OGDHL: variants seen among roughly 807,000 people sequenced by gnomAD.
OGDHL encodes the protein 2-oxoglutarate dehydrogenase-like, mitochondrial.
In OGDHL, 79 loss-of-function variants were observed where a neutral mutation model predicts 109.6. The observed-to-expected ratio is 0.72, with a 90% CI of 0.60 to 0.87. The LOEUF is 0.87. Ranked by LOEUF, OGDHL falls within the 40% of genes least tolerant of loss-of-function variation. The pLI is 0.00. For missense variants in OGDHL, 1,275 were observed against 1,362.2 expected (o/e 0.94, Z 1.01); for synonymous variants, 528 against 537.2 (o/e 0.98, Z 0.24).
chr10:49,754,441 G>A (rs1842796321), intron 3 of OGDHL, among the ~76,000 whole-genome samples: 1 of 152,058 alleles, frequency 6.6e-6, no homozygotes, highest in Non-Finnish European at 1.5e-5. Flanking sequence ...CTGAATAAAA[G>A]AAAAAAATAA....
rs1262311345 is a variant in OGDHL at position 49,736,164 on chromosome 10, G to A, written c.2768C>T (p.Pro923Leu). 1.3e-6 allele frequency: 2 copies of A among 1,597,240 alleles called. No homozygotes were observed. The change falls in exon 22 of 23, where the codon CCC becomes CTC. Residue 923 changes from proline (P) to leucine (L), a missense_variant. By Grantham distance (98) the Pro-to-Leu change is moderately conservative. Coordinates refer to ENST00000374103, the MANE Select transcript of OGDHL (RefSeq NM_018245.3). ...ITRLEQISPF[P>L]FDLIKQEAEK... ...TGCCTCCTGCTTGATCAGGTCGAAG[G>A]GGAATGGAGAGATCTGGGGAGGCAG...
At position 49,736,447 on chromosome 10, in the gene OGDHL, G is replaced by A; in HGVS notation, c.2664C>T (p.Ile888=). ...CATAGTACACCTTTCCCGTGCAGAAGATGAGCCGCTGCACCTGCTCAGGGG... is the reference window on the plus strand; with the variant it reads ...CATAGTACACCTTTCCCGTGCAGAAAATGAGCCGCTGCACCTGCTCAGGGG... ...ARAPEQVQRL[I]FCTGKVYYDL... The change falls in exon 21 of 23, where the codon ATC becomes ATT. Residue 888 remains isoleucine (I), a synonymous_variant. Transcript: ENST00000374103. The A allele has an allele frequency of 6.2e-7, 1 of 1,614,088 alleles. No individual in the cohort carries two copies. The highest frequency in any genetic ancestry group is 8.5e-7 in the Non-Finnish European group (1 of 1,180,026).
rs754571217 is a variant in OGDHL at position 49,737,820 on chromosome 10, T to G, written c.2556A>C (p.Pro852=). ...TTTGGTCAAAGCTGGACTTGGCCTC[T>G]GGGTGCCTCAGCAGAGATTTAGGTG... The part of the protein sequence containing the change: ...IFTPKSLLRH[P]EAKSSFDQMV... The change falls in exon 20 of 23, where the codon CCA becomes CCC. Residue 852 remains proline, a synonymous_variant. Coordinates refer to ENST00000374103, the MANE Select transcript of OGDHL (RefSeq NM_018245.3). 5 of 1,614,072 alleles carry G rather than the reference T, an allele frequency of 3.1e-6. No individual in the cohort carries two copies. The highest frequency in any genetic ancestry group is 4.2e-6 in the Non-Finnish European group (5 of 1,180,044).
chr10:49,745,570 A>G, intron 11 of OGDHL, 74 bp from the exon 12 acceptor site: 4 of 1,581,766 alleles, frequency 2.5e-6, no homozygotes, highest in Middle Eastern at 1.7e-4. Context: ...AAAATTGGGG[A>G]ATATCTGGGT....
At chr10:49,752,367 T>G in intron 4 of OGDHL, 119 bp from the exon 5 acceptor site, 1 of 801,126 alleles carries the variant, frequency 1.2e-6, no homozygotes, top group Non-Finnish European at 2.1e-6. Flanking sequence ...TCCCTCTGGG[T>G]CCAACCTGGG....
intron 17 of OGDHL, chr10:49,738,651 CT>C (rs1841401956): frequency 3.5e-6 from 1 of 282,030 alleles, no homozygotes; most frequent in South Asian, 3.9e-5. Context: ...TGCAGACACT[CT>C]TCCCCACTGC....
In OGDHL at chr10:49,751,916, C is replaced by G. The variant is rs138462834; in HGVS notation, c.660G>C (p.Trp220Cys). ...CAGGGGTCTCAAACTTCTGCCGGATCCACTGGCACTGCTCCACATCGTTGA... is the reference window on the plus strand; with the variant it reads ...CAGGGGTCTCAAACTTCTGCCGGATGCACTGGCACTGCTCCACATCGTTGA... ...MFINDVEQCQ[W>C]IRQKFETPGV... Residue 220 changes from tryptophan (W) to cysteine (C), a missense_variant, in exon 6 of 23, where the codon TGG (tryptophan) becomes TGC (cysteine). By Grantham distance (215) the Trp-to-Cys change is radical. Coordinates refer to ENST00000374103, the MANE Select transcript of OGDHL (RefSeq NM_018245.3). The G allele has an allele frequency of 1.0e-3, 1,684 of 1,614,052 alleles. 2 individuals carry two copies. Among genetic ancestry groups the G allele is most frequent in the Non-Finnish European group, 1.2e-3 (1,445 of 1,180,026 alleles).
At chr10:49,758,652 T>C (rs1843068374) in intron 1 of OGDHL, 59 bp from the exon 2 acceptor site, 1 of 1,544,278 alleles carries the variant, frequency 6.5e-7, no homozygotes, top group Non-Finnish European at 8.8e-7. Flanking sequence ...GAAGAGGCTC[T>C]ACCAAGCCAC....
At chr10:49,745,776 T>C (rs1842133999) in intron 11 of OGDHL, 22 bp downstream of exon 11, 3 of 1,610,150 alleles carry the variant, frequency 1.9e-6, no homozygotes, top group Admixed American at 3.3e-5. Context: ...ACCCATGCCT[T>C]GGCCTCAGTC....
At chr10:49,744,154 G>C in intron 13 of OGDHL, 32 bp from the exon 14 acceptor site, 1 of 1,609,854 alleles carries the variant, frequency 6.2e-7, no homozygotes. Context: ...TCCACACTGT[G>C]TCAGTGGTGG....
chr10:49,756,755 T>A, intron 3 of OGDHL, 21 bp downstream of exon 3: 1 of 1,605,694 alleles, frequency 6.2e-7, no homozygotes, highest in Non-Finnish European at 8.5e-7. Flanking sequence ...CCTCCCAGGC[T>A]GTGCCTCAGC....
chr10:49,758,394 G>A lies in OGDHL; in HGVS notation c.199C>T (p.His67Tyr). 1 of 1,609,366 alleles carries A rather than the reference G, an allele frequency of 6.2e-7. No individual in the cohort carries two copies. Among genetic ancestry groups the A allele is most frequent in the East Asian group, 2.2e-5 (1 of 44,784 alleles). ...GGTAGGGTGGGGATGCTGACCTTGT[G>A]GACACTCTGGGGGTTTTCCAACCAG... ...FAWLENPQSV[H>Y]KSWDSFFREA... The change falls in exon 2 of 23, where the codon CAC (histidine) becomes TAC (tyrosine). Residue 67 changes from histidine to tyrosine, a missense_variant. Physicochemically the swap from His to Tyr is moderately conservative, Grantham distance 83 (BLOSUM62 2). Coordinates refer to ENST00000374103, the MANE Select transcript of OGDHL (RefSeq NM_018245.3).
At chr10:49,753,888 TAAAAAAAAAA>T (rs63200161) in intron 3 of OGDHL, among the ~76,000 whole-genome samples, 1 of 87,264 alleles carries the variant, frequency 1.1e-5, no homozygotes, top group African/African-American at 4.0e-5. Context: ...AAACTCCATC[TAAAAAAAAAA>T]AAAAAAAAAA....
intron 15 of OGDHL, among the ~76,000 whole-genome samples, 156 bp downstream of exon 15, chr10:49,742,672 G>A (rs1417818944): frequency 6.6e-6 from 1 of 152,004 alleles, no homozygotes; most frequent in Non-Finnish European, 1.5e-5. Context: ...TGCCCTGGGG[G>A]GTCAGCGAGG....
chr10:49,736,626 T>G (rs1216883925), intron 20 of OGDHL, 106 bp from the exon 21 acceptor site: 1 of 1,270,816 alleles, frequency 7.9e-7, no homozygotes, highest in Non-Finnish European at 1.1e-6. Flanking sequence ...TGACACTAAC[T>G]GCAGGTTTGG....
rs1564535880 is a variant in OGDHL at position 49,744,071 on chromosome 10, C to T, written c.1784G>A (p.Gly595Glu). The change falls in exon 14 of 23, where the codon GGG becomes GAG. Residue 595 changes from glycine (G) to glutamate (E), a missense_variant. By Grantham distance (98) the Gly-to-Glu change is moderately conservative. Transcript: ENST00000374103. ...EPKSMTCPAT[G>E]IPEDMLTHIG... The stretch of plus-strand genomic sequence containing the variant: ...GTGGGTGAGCATGTCCTCAGGGATC[C>T]CCGTGGCTGGGCATGTCATGCTCTT... 3.1e-6 allele frequency: 5 copies of T among 1,614,124 alleles called. No homozygotes were observed. The highest frequency in any genetic ancestry group is 4.2e-6 in the Non-Finnish European group (5 of 1,179,980).
In OGDHL at chr10:49,745,227, T is replaced by C. The variant is rs576105579; in HGVS notation, c.1629+117A>G. On this transcript the variant is annotated intron_variant, in intron 12 of 22. Transcript: ENST00000374103. ...TGGGGCCTCTTGGGGACAAGGACCA[T>C]AGTGGCTACTTCTTTAAATCCTTAG... The C allele has an allele frequency of 1.6e-4, 208 of 1,320,362 alleles. 1 individual carries two copies. The highest frequency in any genetic ancestry group is 1.9e-4 in the Non-Finnish European group (188 of 969,740). The allele number at this position is 1,320,362 out of a possible 1,614,324, so 81.8% of individuals were successfully genotyped here. A position where few individuals can be genotyped will look rare whatever the true frequency, so the allele number is the denominator to read the frequency against.
chr10:49,749,838 T>C (rs1026764598), intron 7 of OGDHL, 22 bp from the exon 8 acceptor site: 4 of 1,570,228 alleles, frequency 2.5e-6, no homozygotes, highest in Non-Finnish European at 3.4e-6. Flanking sequence ...GGGGCCGGGC[T>C]CTCACCTGGC....
At position 49,746,682 on chromosome 10, in the gene OGDHL, G is replaced by A. The variant is rs917002512; in HGVS notation, c.1296+68C>T. ...GAGCCAGGAGCATCTCACTTTCCCC[G>A]CAAGCTACTGCCTGGATTTCCAGGG... is the stretch of plus-strand genomic sequence containing the variant. On this transcript the variant is annotated intron_variant, in intron 10 of 22. Transcript: ENST00000374103. 67 of 1,583,880 alleles carry A rather than the reference G, an allele frequency of 4.2e-5. 1 individual carries two copies. Among genetic ancestry groups the A allele is most frequent in the South Asian group, 2.3e-4 (20 of 87,172 alleles).
Sources: allele counts gnomAD v4.1 joint callset (sites outside exome capture counted in the v4.1 genomes callset), GRCh38; gene constraint gnomAD v4.1.1; transcripts MANE v1.5; gene names NCBI Gene and HGNC (gene_info 2026-07-23, HGNC 2026-07-21).